Variants in OMA1 observed in about 807,000 individuals in gnomAD.
The protein encoded by OMA1 is OMA1 zinc metallopeptidase.
OMA1 carries 38 observed loss-of-function variants against 30.9 expected under a neutral mutation model. The ratio of observed to expected loss-of-function variants is 1.23; its 90% CI spans 0.95 to 1.61. OMA1 has a LOEUF of 1.61. Among genes scored for constraint, OMA1 ranks in the 40% most tolerant of loss-of-function variants. The pLI is 0.00. For synonymous variants in OMA1, 173 were observed against 121.9 expected, an observed-to-expected ratio of 1.42 and a Z score of -2.76; for missense variants, 461 against 349.2, an observed-to-expected ratio of 1.32 and a Z score of -2.55.
At chr1:58,483,660 C>G (rs181574426) in intron 8 of OMA1, among the ~76,000 whole-genome samples, 1 of 152,302 alleles carries the variant, frequency 6.6e-6, no homozygotes, top group African/African-American at 2.4e-5. Flanking sequence ...ATAGCACTTA[C>G]AGCACTTAAG....
chr1:58,499,250 G>A (rs1645856200), intron 8 of OMA1, among the ~76,000 whole-genome samples: 3 of 146,166 alleles, frequency 2.1e-5, no homozygotes, highest in African/African-American at 7.7e-5. Flanking sequence ...TAGGAATCAG[G>A]AGGTGTTGGT....
chr1:58,509,588 T>G (rs1241749320), intron 7 of OMA1, among the ~76,000 whole-genome samples: 1 of 116,666 alleles, frequency 8.6e-6, no homozygotes, highest in Admixed American at 8.7e-5. Flanking sequence ...ACCTGTAAGA[T>G]CTACCAAAAA....
intron 7 of OMA1, among the ~76,000 whole-genome samples, chr1:58,516,521 T>TA (rs1471973974): frequency 6.6e-6 from 1 of 152,206 alleles, no homozygotes; most frequent in African/African-American, 2.4e-5. Flanking sequence ...ATCATTCTGA[T>TA]AATTTATATA....
intron 8 of OMA1, among the ~76,000 whole-genome samples, chr1:58,490,440 T>C (rs1284747775): frequency 6.6e-6 from 1 of 152,188 alleles, no homozygotes; most frequent in Non-Finnish European, 1.5e-5. Flanking sequence ...TATGGGACTA[T>C]GTGAAAAGAC....
At chr1:58,534,827 A>G (rs1280846285) in intron 3 of OMA1, among the ~76,000 whole-genome samples, 1 of 152,008 alleles carries the variant, frequency 6.6e-6, no homozygotes, top group Admixed American at 6.6e-5. Context: ...TCCCAGCTAC[A>G]TGGGAGGCTG....
chr1:58,499,602 ATAAAAATGTACTGTATATTTGAAAATTGC>A, intron 8 of OMA1, among the ~76,000 whole-genome samples: 1 of 152,270 alleles, frequency 6.6e-6, no homozygotes, highest in South Asian at 2.1e-4. Flanking sequence ...ACTACAGTTA[ATAAAAATGTACTGTATATTTGAAAATTGC>A]TAAGAGAATA....
chr1:58,520,910 CA>C (rs1397904940), intron 7 of OMA1, among the ~76,000 whole-genome samples: 1 of 152,004 alleles, frequency 6.6e-6, no homozygotes. Flanking sequence ...GAAAAAAAAT[CA>C]GCAAGAATAT....
intron 8 of OMA1, among the ~76,000 whole-genome samples, chr1:58,499,314 CAAAAAAAAA>C (rs58217798): frequency 6.7e-4 from 47 of 69,740 alleles, no homozygotes; most frequent in African/African-American, 9.3e-4. Context: ...CACATCTCTA[CAAAAAAAAA>C]AAAAAAAAAA....
chr1:58,518,893 C>T (rs1646215619), intron 7 of OMA1, among the ~76,000 whole-genome samples: 1 of 152,116 alleles, frequency 6.6e-6, no homozygotes, highest in African/African-American at 2.4e-5. Context: ...AGGTCCAATA[C>T]TGTTCCTATC....
intron 1 of OMA1, among the ~76,000 whole-genome samples, chr1:58,541,293 C>CAAAAAAAAAAAAAAAAAAAA (rs71043292): frequency 7.3e-5 from 2 of 27,562 alleles, no homozygotes; most frequent in Admixed American, 8.1e-4. Context: ...GACTCTGTCT[C>CAAAAAAAAAAAAAAAAAAAA]AAAAAAAAAA....
intron 8 of OMA1, among the ~76,000 whole-genome samples, chr1:58,489,784 C>CATG (rs1248954288): frequency 6.6e-6 from 1 of 152,100 alleles, no homozygotes; most frequent in African/African-American, 2.4e-5. Context: ...GGCTGTTCAC[C>CATG]AATATCCGCT....
chr1:58,534,796 C>T (rs6682499), intron 3 of OMA1, among the ~76,000 whole-genome samples: 17,716 of 152,052 alleles, frequency 0.12, 1,236 homozygotes, highest in African/African-American at 0.18. Flanking sequence ...ATTAGCCAGG[C>T]GTGGTGGCAT....
chr1:58,545,779 T>C (rs562724937), intron 1 of OMA1, among the ~76,000 whole-genome samples: 2 of 152,208 alleles, frequency 1.3e-5, no homozygotes, highest in African/African-American at 2.4e-5. Flanking sequence ...CTAGTTTCTA[T>C]GGAAACAGCT....
intron 7 of OMA1, among the ~76,000 whole-genome samples, 169 bp downstream of exon 7, chr1:58,527,092 T>C (rs558957744): frequency 6.6e-6 from 1 of 152,272 alleles, no homozygotes; most frequent in South Asian, 2.1e-4. Flanking sequence ...CAGTTATACA[T>C]TCTTTCAAGG....
At chr1:58,536,105 A>G (rs943460364) in intron 3 of OMA1, among the ~76,000 whole-genome samples, 2 of 152,180 alleles carry the variant, frequency 1.3e-5, no homozygotes, top group Admixed American at 6.5e-5. Context: ...GGAAAAGTAC[A>G]GTATGCAGAG....
At chr1:58,516,231 G>A (rs1646155734) in intron 7 of OMA1, among the ~76,000 whole-genome samples, 1 of 152,168 alleles carries the variant, frequency 6.6e-6, no homozygotes, top group Admixed American at 6.5e-5. Flanking sequence ...GGCTAGCCCA[G>A]TTCAGAACCA....
At position 58,541,432 on chromosome 1, in the gene OMA1, G is replaced by A. The variant is rs1401539178; in HGVS notation, c.-16-2122C>T. ...CATAGTGACAGAGAGATGAGTGACT[G>A]CTTGAGGAGTTGTAGGAAAAAAGCA... On this transcript the variant is annotated intron_variant, in intron 1 of 8. Transcript: ENST00000371226. 27 of 148,730 alleles carry A rather than the reference G, an allele frequency of 1.8e-4. 1 individual carries two copies. Among genetic ancestry groups the A allele is most frequent in the Admixed American group, 8.1e-4 (12 of 14,874 alleles). The allele number at this position is 148,730 out of a possible 1,614,324, so 9.2% of individuals were successfully genotyped here.
At chr1:58,499,245 A>G (rs558761943) in intron 8 of OMA1, among the ~76,000 whole-genome samples, 1 of 149,986 alleles carries the variant, frequency 6.7e-6, no homozygotes, top group African/African-American at 2.5e-5. Context: ...GGGAGTAGGA[A>G]TCAGGAGGTG....
intron 6 of OMA1, among the ~76,000 whole-genome samples, chr1:58,529,671 T>C (rs1212561675): frequency 6.6e-6 from 1 of 152,228 alleles, no homozygotes; most frequent in Non-Finnish European, 1.5e-5. Flanking sequence ...CAGTTGGCTC[T>C]CTATATCTGT....
Sources: allele counts gnomAD v4.1 joint callset (sites outside exome capture counted in the v4.1 genomes callset), GRCh38; gene constraint gnomAD v4.1.1; transcripts MANE v1.5; gene names NCBI Gene and HGNC (gene_info 2026-07-23, HGNC 2026-07-21).